SETD1B: variants seen among roughly 807,000 people sequenced by gnomAD.
SETD1B encodes histone-lysine N-methyltransferase SETD1B.
SETD1B carries 7 observed loss-of-function variants against 148.0 expected under a neutral mutation model. The observed-to-expected ratio is 0.05, with a 90% CI of 0.03 to 0.09. The LOEUF (loss-of-function observed/expected upper bound fraction) is 0.09. SETD1B is among the 10% of genes least tolerant of loss of function. The pLI is 1.00. For synonymous variants in SETD1B, 1,361 were observed against 1,186.5 expected (o/e 1.15, Z -3.02); for missense variants, 2,155 against 2,729.9 (o/e 0.79, Z 4.69).
At chr12:121,813,035 C>G (rs1876115960) in intron 6 of SETD1B, among the ~76,000 whole-genome samples, 1 of 152,100 alleles carries the variant, frequency 6.6e-6, no homozygotes, top group African/African-American at 2.4e-5. Flanking sequence ...ATCCTTGACA[C>G]CTCCCACATT....
Position 121,819,432 on chromosome 12 carries a change from G to A in SETD1B, c.3447G>A (p.Lys1149=). ...EEETVSIVTS[K]AEATSSSESS... ...AGACAGTGAGCATTGTAACCTCCAA[G>A]GCCGAAGCCACGTCGTCCAGTGAGA... Residue 1149 remains lysine (K), a synonymous_variant, in exon 11 of 17, where the codon AAG becomes AAA. Transcript: ENST00000604567. The A allele has an allele frequency of 6.4e-7, 1 of 1,552,100 alleles. No homozygotes were observed. Among genetic ancestry groups the A allele is most frequent in the Non-Finnish European group, 8.7e-7 (1 of 1,147,096 alleles).
intron 12 of SETD1B, 73 bp downstream of exon 12, chr12:121,823,822 C>G (rs1876706409): frequency 6.8e-7 from 1 of 1,473,688 alleles, no homozygotes; most frequent in African/African-American, 1.4e-5. Flanking sequence ...CTGGGCCCCA[C>G]CACCCAGTCT....
rs11043205 is a variant in SETD1B at position 121,823,739 on chromosome 12, C to T, written c.5160C>T (p.Val1720=). Residue 1720 remains valine (V), a synonymous_variant, in exon 12 of 17, where the codon GTC becomes GTT. Transcript: ENST00000604567. The part of the protein sequence containing the change: ...GMDWLNDTLW[V]YHPSTSLSSA... ...ACTGGCTTAACGACACGCTCTGGGT[C>T]TACCATCCCTATATCCTGCTGGCAT... 1.3e-5 allele frequency: 20 copies of T among 1,549,060 alleles called. No homozygotes were observed. The East Asian group carries it at 4.4e-4, about 34-fold the overall frequency.
Position 121,823,374 on chromosome 12 carries a change from G to A in SETD1B, c.4795G>A (p.Val1599Ile), listed in dbSNP as rs1213417419. 4.0e-6 allele frequency: 3 copies of A among 743,714 alleles called. No individual in the cohort carries two copies. Among genetic ancestry groups the A allele is most frequent in the Middle Eastern group, 7.6e-4 (2 of 2,618 alleles). 46.1% of individuals were successfully genotyped at this position (743,714 alleles called of 1,614,324 possible). A position where few individuals can be genotyped will look rare whatever the true frequency, so the allele number is the denominator to read the frequency against. The change falls in exon 12 of 17, where the codon GTA becomes ATA. Residue 1599 changes from valine to isoleucine, a missense_variant. Coordinates refer to ENST00000604567, the MANE Select transcript of SETD1B (RefSeq NM_001353345.2). ...QPPPPPPPPP[V>I]EPTKLPFKEL... Reference sequence around the variant, plus strand: ...ACCCCCACCCCCACCTCCCCCACCTGTAGAGCCCACCAAGCTGCCCTTTAA... The same window carrying A: ...ACCCCCACCCCCACCTCCCCCACCTATAGAGCCCACCAAGCTGCCCTTTAA...
Position 121,814,229 on chromosome 12 carries a change from C to T in SETD1B, c.2014C>T (p.Pro672Ser). The T allele has an allele frequency of 6.5e-7, 1 of 1,534,242 alleles. No individual in the cohort carries two copies. Among genetic ancestry groups the T allele is most frequent in the Non-Finnish European group, 8.7e-7 (1 of 1,144,198 alleles). ...VTPGAAAVAA[P>S]SVLAPTLPLP... ...CCCAGGAGCGGCAGCCGTGGCAGCCCCTTCTGTGCTAGCCCCAACCCTGCC... is the reference window on the plus strand; with the variant it reads ...CCCAGGAGCGGCAGCCGTGGCAGCCTCTTCTGTGCTAGCCCCAACCCTGCC... The change falls in exon 7 of 17, where the codon CCT becomes TCT. Residue 672 changes from proline to serine, a missense_variant. This residue lies in a region of SETD1B where 295 missense variants were observed against 303.8 expected (regional missense o/e 0.97). Transcript: ENST00000604567.
intron 6 of SETD1B, among the ~76,000 whole-genome samples, chr12:121,812,556 G>A (rs1876086264): frequency 6.6e-6 from 1 of 151,952 alleles, no homozygotes; most frequent in Non-Finnish European, 1.5e-5. Flanking sequence ...CAGAGGGAGG[G>A]GCAGGGCCGG....
Position 121,805,858 on chromosome 12 carries a change from G to A in SETD1B, c.297G>A (p.Pro99=). 6.4e-7 allele frequency: 1 copy of A among 1,551,492 alleles called. No individual in the cohort carries two copies. The highest frequency in any genetic ancestry group is 1.7e-4 in the Middle Eastern group (1 of 5,992). Residue 99 remains proline (P), a synonymous_variant, in exon 4 of 17, where the codon CCG becomes CCA. Transcript: ENST00000604567. This position sits in a 1 kb window ranked among gnomAD's most constrained non-coding sequence, Gnocchi z 4.2. The stretch of plus-strand genomic sequence containing the variant: ...AGATCGATGAGTTCTACGTGGGCCC[G>A]GTGCCTCCGAAGCAGGTGACATTTG... ...KFKIDEFYVG[P]VPPKQVTFAK...
In SETD1B at chr12:121,818,006, G is replaced by T. The variant is rs1197009612; in HGVS notation, c.3418+102G>T. On this transcript the variant is annotated intron_variant, in intron 10 of 16. Transcript: ENST00000604567. ...AAATACTTCTGAGCCAAAATGTTGT[G>T]CTTTTGAGACGTTACCTTGTTAAAA... The T allele has an allele frequency of 1.4e-5, 17 of 1,232,698 alleles. No individual in the cohort carries two copies. The East Asian group carries it at 4.2e-4, about 30-fold the overall frequency. The allele number at this position is 1,232,698 out of a possible 1,614,324, so 76.4% of individuals were successfully genotyped here. A position where few individuals can be genotyped will look rare whatever the true frequency, so the allele number is the denominator to read the frequency against.
chr12:121,802,512 G>C (rs1875434444), upstream of SETD1B: 1 of 152,070 alleles, frequency 6.6e-6, no homozygotes, highest in African/African-American at 2.4e-5. Flanking sequence ...GTGTTTAATA[G>C]AGGAAACTAG....
At chr12:121,806,416 A>G (rs1035798200) in intron 4 of SETD1B, among the ~76,000 whole-genome samples, 2 of 151,976 alleles carry the variant, frequency 1.3e-5, no homozygotes, top group African/African-American at 2.4e-5. Flanking sequence ...TTGGGTTTAG[A>G]CAGTCCCCAG....
At chr12:121,812,004 C>A (rs188436527) in intron 6 of SETD1B, among the ~76,000 whole-genome samples, 114 of 152,324 alleles carry the variant, frequency 7.5e-4, no homozygotes, top group African/African-American at 2.6e-3. Context: ...GTTTACCATG[C>A]TGACCACGGT....
chr12:121,825,446 G>T, intron 13 of SETD1B, 80 bp downstream of exon 13: 2 of 1,383,628 alleles, frequency 1.4e-6, no homozygotes, highest in Non-Finnish European at 1.9e-6. Flanking sequence ...AGGGGTGCCA[G>T]GCAGAGGGAG....
In SETD1B at chr12:121,805,444, A is replaced by G. The variant is rs1875687441; in HGVS notation, c.273+228A>G. ...TCACGGCGCAGATACAGTGTCCTGC[A>G]CGCCCCGCGGGGGGCTCGGCTCCGA... On this transcript the variant is annotated intron_variant, in intron 3 of 16. Coordinates refer to ENST00000604567, the MANE Select transcript of SETD1B (RefSeq NM_001353345.2). The surrounding 1 kb of genome is among the most constrained non-coding windows in gnomAD (Gnocchi z 4.2). 6.6e-6 allele frequency among the ~76,000 whole-genome samples: 1 copy of G among 152,078 alleles called. No homozygotes were observed. Among genetic ancestry groups the G allele is most frequent in the Admixed American group, 6.5e-5 (1 of 15,282 alleles).
chr12:121,828,061 C>T lies in SETD1B; in HGVS notation c.5718C>T (p.His1906=), dbSNP rs1037718257. The T allele has an allele frequency of 6.4e-7, 1 of 1,552,246 alleles. No individual in the cohort carries two copies. The change falls in exon 16 of 17, where the codon CAC becomes CAT. Residue 1906 remains histidine, a synonymous_variant. Transcript: ENST00000604567. ...KCGNFARFIN[H]SCNPNCYAKV... ...GCAACTTCGCGCGCTTCATCAACCA[C>T]AGCTGCAACGTGAGTGCCCAGCGGG...
At chr12:121,821,096 G>A (rs1428893268) in intron 11 of SETD1B, among the ~76,000 whole-genome samples, 1 of 152,168 alleles carries the variant, frequency 6.6e-6, no homozygotes, top group African/African-American at 2.4e-5. Context: ...GGACGACTGT[G>A]TTTTGTTTAA....
rs1048847314 is a variant in SETD1B, at chr12:121,822,867, T to A, written c.4288T>A (p.Phe1430Ile). The part of the protein sequence containing the change: ...GGLPRTPGRD[F>I]SFTPTFSEPS... Reference sequence around the variant, plus strand: ...CCTCCCTCGGACACCTGGCCGGGACTTCAGCTTCACACCCACCTTCTCCGA... The same window carrying A: ...CCTCCCTCGGACACCTGGCCGGGACATCAGCTTCACACCCACCTTCTCCGA... Residue 1430 changes from phenylalanine (F) to isoleucine (I), a missense_variant, in exon 12 of 17, where the codon TTC becomes ATC. Phe to Ile is a conservative substitution (Grantham distance 21, BLOSUM62 0). This residue lies in a region of SETD1B where 862 missense variants were observed against 873.8 expected (regional missense o/e 0.99). Coordinates refer to ENST00000604567, the MANE Select transcript of SETD1B (RefSeq NM_001353345.2). 2.7e-6 allele frequency: 4 copies of A among 1,488,202 alleles called. No homozygotes were observed. Among genetic ancestry groups the A allele is most frequent in the African/African-American group, 2.8e-5 (2 of 71,136 alleles). 92.2% of individuals were successfully genotyped at this position (1,488,202 alleles called of 1,614,324 possible).
the SETD1B span, chr12:121,793,695 G>A: frequency 2.0e-5 from 28 of 1,401,502 alleles, no homozygotes; most frequent in African/African-American, 4.0e-4. Context: ...AGAGGTCGGG[G>A]GCGGGGCGGG....
intron 10 of SETD1B, among the ~76,000 whole-genome samples, chr12:121,819,115 A>G (rs934323000): frequency 6.7e-6 from 1 of 149,568 alleles, no homozygotes; most frequent in Non-Finnish European, 1.5e-5. Flanking sequence ...GTGGTGGTGC[A>G]TGCCTGTAAT....
At position 121,808,070 on chromosome 12, in the gene SETD1B, C is replaced by T; in HGVS notation, c.545-138C>T. The T allele has an allele frequency of 1.6e-6, 1 of 627,806 alleles. No individual in the cohort carries two copies. 38.9% of individuals were successfully genotyped at this position (627,806 alleles called of 1,614,324 possible). A position where few individuals can be genotyped will look rare whatever the true frequency, so the allele number is the denominator to read the frequency against. On this transcript the variant is annotated intron_variant, in intron 4 of 16. Coordinates refer to ENST00000604567, the MANE Select transcript of SETD1B (RefSeq NM_001353345.2). The surrounding 1 kb of genome is among the most constrained non-coding windows in gnomAD (Gnocchi z 5.3). ...TGAGCGAGGTGCAGAGGGGTGGGAA[C>T]TCAGGGCCACACAGCCTCCCTAGGA...
Sources: allele counts gnomAD v4.1 joint callset (sites outside exome capture counted in the v4.1 genomes callset), GRCh38; gene constraint gnomAD v4.1.1; regional missense constraint gnomAD v4.1.1; non-coding constraint Gnocchi (gnomAD v3.1); transcripts MANE v1.5; gene names NCBI Gene and HGNC (gene_info 2026-07-23, HGNC 2026-07-21).